The following PLAAT2 variants were observed in gnomAD, a reference collection of about 807,000 sequenced individuals.
The protein encoded by PLAAT2 is HRAS like suppressor 2.
In PLAAT2, 12 loss-of-function variants were observed where a neutral mutation model predicts 12.8. That is an observed-to-expected ratio of 0.94 (90% CI 0.60 to 1.52). The LOEUF (loss-of-function observed/expected upper bound fraction) is 1.52, where lower values mean the gene tolerates loss of function less well. PLAAT2 is among the 40% of genes most tolerant of loss of function. The pLI is 0.00. For missense variants in PLAAT2, 166 were observed against 208.1 expected (o/e 0.80, Z 1.24); for synonymous variants, 79 against 86.8 (o/e 0.91, Z 0.50).
intron 3 of PLAAT2, among the ~76,000 whole-genome samples, chr11:63,557,547 T>C (rs769962335): frequency 3.3e-5 from 5 of 151,962 alleles, no homozygotes; most frequent in Admixed American, 6.6e-5. Context: ...AAAAAAAAGT[T>C]TGTGAGACCC....
chr11:63,552,778 C>A lies in PLAAT2; in HGVS notation c.*186G>T. On this transcript the variant is annotated 3_prime_UTR_variant, in exon 4 of 4. Coordinates refer to ENST00000255695, the MANE Select transcript of PLAAT2 (RefSeq NM_017878.2). ...CAAGCATTCAGTCCATAGCAGAGCC[C>A]AATTGTGTCTTTAATAGAATTCATA... The A allele has an allele frequency of 1.7e-6, 1 of 572,586 alleles. No homozygotes were observed. The highest frequency in any genetic ancestry group is 2.0e-5 in the South Asian group (1 of 49,948). 35.5% of individuals were successfully genotyped at this position (572,586 alleles called of 1,614,324 possible). A position where few individuals can be genotyped will look rare whatever the true frequency, so the allele number is the denominator to read the frequency against.
intron 2 of PLAAT2, among the ~76,000 whole-genome samples, chr11:63,559,665 G>A (rs561974993): frequency 4.6e-5 from 7 of 152,182 alleles, no homozygotes; most frequent in Admixed American, 2.6e-4. Flanking sequence ...CAGTCTGTAA[G>A]CAGAGGAGCC....
chr11:63,560,419 G>A (rs1013676210), intron 1 of PLAAT2, among the ~76,000 whole-genome samples: 2 of 152,250 alleles, frequency 1.3e-5, no homozygotes, highest in Non-Finnish European at 2.9e-5. Flanking sequence ...GATGAAGAGA[G>A]TATCTTTGAG....
intron 1 of PLAAT2, among the ~76,000 whole-genome samples, chr11:63,562,616 C>CAGTA (rs1363348305): frequency 6.6e-6 from 1 of 152,156 alleles, no homozygotes; most frequent in African/African-American, 2.4e-5. Context: ...CTATACTTAC[C>CAGTA]AGTATATCAT....
At chr11:63,554,897 C>A (rs1361174623) in intron 3 of PLAAT2, among the ~76,000 whole-genome samples, 1 of 152,130 alleles carries the variant, frequency 6.6e-6, no homozygotes, top group Non-Finnish European at 1.5e-5. Context: ...ACAAACAAAG[C>A]CAGACATAAC....
upstream of PLAAT2, among the ~76,000 whole-genome samples, chr11:63,564,968 G>A (rs1389056898): frequency 6.6e-6 from 1 of 152,092 alleles, no homozygotes; most frequent in Non-Finnish European, 1.5e-5. Flanking sequence ...ACTCATGCTG[G>A]GGCTTGTGGC....
intron 1 of PLAAT2, 118 bp from the exon 2 acceptor site, chr11:63,560,311 G>C (rs1214464283): frequency 2.9e-6 from 2 of 680,718 alleles, no homozygotes; most frequent in Non-Finnish European, 5.1e-6. Context: ...TCACCTGCAG[G>C]AAACAGGAAG....
chr11:63,564,987 G>A (rs774766197), upstream of PLAAT2, among the ~76,000 whole-genome samples: 1 of 152,078 alleles, frequency 6.6e-6, no homozygotes, highest in Non-Finnish European at 1.5e-5. Flanking sequence ...GCTTTTCACC[G>A]AATCCAAGCT....
chr11:63,559,805 T>C (rs1229319915), intron 2 of PLAAT2, among the ~76,000 whole-genome samples: 2 of 152,120 alleles, frequency 1.3e-5, no homozygotes, highest in Non-Finnish European at 2.9e-5. Context: ...TAACAACAAA[T>C]ACATAGGAGA....
At chr11:63,558,366 G>A (rs757770333) in intron 3 of PLAAT2, 26 bp downstream of exon 3, 7 of 1,608,400 alleles carry the variant, frequency 4.4e-6, no homozygotes, top group South Asian at 1.1e-5. Context: ...TGGCTCCTGG[G>A]AAGGGGATGC....
At chr11:63,560,635 G>A (rs1475784838) in intron 1 of PLAAT2, among the ~76,000 whole-genome samples, 5 of 152,184 alleles carry the variant, frequency 3.3e-5, no homozygotes, top group Non-Finnish European at 5.9e-5. Context: ...GACTTGCAAC[G>A]CCCAACATGT....
intron 3 of PLAAT2, among the ~76,000 whole-genome samples, chr11:63,555,129 A>C (rs1271183838): frequency 2.0e-5 from 3 of 152,210 alleles, no homozygotes; most frequent in African/African-American, 4.8e-5. Flanking sequence ...GGCAATTATC[A>C]AAGTTAGGAT....
chr11:63,556,081 A>G (rs1297635081), intron 3 of PLAAT2, among the ~76,000 whole-genome samples: 4 of 152,162 alleles, frequency 2.6e-5, no homozygotes, highest in African/African-American at 7.2e-5. Context: ...TTGGTCATCT[A>G]TTAGAGCAGG....
intron 3 of PLAAT2, among the ~76,000 whole-genome samples, chr11:63,554,928 T>C (rs2017453281): frequency 6.6e-6 from 1 of 152,190 alleles, no homozygotes. Context: ...AAAAACAGAT[T>C]TGATTCAGTC....
At chr11:63,560,258 C>T in intron 1 of PLAAT2, 65 bp from the exon 2 acceptor site, 1 of 1,215,984 alleles carries the variant, frequency 8.2e-7, no homozygotes, top group Non-Finnish European at 1.2e-6. Context: ...TAGGGCCTGA[C>T]CTGCAAGGAG....
At chr11:63,562,960 G>A (rs567677772) in intron 1 of PLAAT2, among the ~76,000 whole-genome samples, 11 of 152,280 alleles carry the variant, frequency 7.2e-5, no homozygotes, top group East Asian at 1.9e-4. Flanking sequence ...CAGAGGAGGC[G>A]GCCTGTGGGG....
intron 2 of PLAAT2, among the ~76,000 whole-genome samples, chr11:63,559,849 T>C (rs2017502031): frequency 6.6e-6 from 1 of 152,116 alleles, no homozygotes; most frequent in South Asian, 2.1e-4. Context: ...GTACAGTGAG[T>C]TGGTTCAGAC....
At position 63,552,904 on chromosome 11, in the gene PLAAT2, C is replaced by G; in HGVS notation, c.*60G>C. 8.6e-7 allele frequency: 1 copy of G among 1,167,548 alleles called. No homozygotes were observed. Among genetic ancestry groups the G allele is most frequent in the Non-Finnish European group, 1.3e-6 (1 of 776,538 alleles). The allele number at this position is 1,167,548 out of a possible 1,614,324, so 72.3% of individuals were successfully genotyped here. ...AAAATCAGTAAACCAAACTCCACTC[C>G]TGCTGGCTAAATAATATTCCTCCGT... On this transcript the variant is annotated 3_prime_UTR_variant, in exon 4 of 4. Coordinates refer to ENST00000255695, the MANE Select transcript of PLAAT2 (RefSeq NM_017878.2).
rs371200365 is a variant in PLAAT2, at chr11:63,558,418, G to A, written c.361C>T (p.Arg121Cys). 63 of 1,614,072 alleles carry A rather than the reference G, an allele frequency of 3.9e-5. No homozygotes were observed. Among genetic ancestry groups the A allele is most frequent in the African/African-American group, 6.7e-5 (5 of 74,928 alleles). Reference protein sequence around the residue: ...DNCEHFVNHLRYGVSRSDQVT... With the variant: ...DNCEHFVNHLCYGVSRSDQVT... ...TGGTCACTGCGGGAGACGCCATAGC[G>A]CAGATGGTTCACGAAGTGCTCGCAG... Residue 121 changes from arginine to cysteine, a missense_variant, in exon 3 of 4, where the codon CGC (arginine) becomes TGC (cysteine). By Grantham distance (180) the Arg-to-Cys change is radical. Transcript: ENST00000255695.
Sources: gnomAD v4.1 joint callset for allele counts (sites outside exome capture counted in the v4.1 genomes callset) on GRCh38, gnomAD v4.1.1 for gene constraint, MANE v1.5 for transcripts, NCBI Gene and HGNC (gene_info 2026-07-23, HGNC 2026-07-21) for gene names.